Variants in SCNN1A observed in about 807,000 individuals in gnomAD.
SCNN1A encodes sodium channel epithelial 1 subunit alpha.
A neutral mutation model predicts 68.6 loss-of-function variants in SCNN1A; 65 were observed. The observed-to-expected ratio is 0.95, with a 90% CI of 0.78 to 1.16. SCNN1A has a LOEUF of 1.16. Ranked by LOEUF, SCNN1A falls within the 50% of genes most tolerant of loss-of-function variation. The pLI, the probability that SCNN1A is intolerant of heterozygous loss-of-function variation, is 0.00. For missense variants in SCNN1A, 880 were observed against 865.9 expected (o/e 1.02, Z -0.20); for synonymous variants, 357 against 353.3 (o/e 1.01, Z -0.12).
At chr12:6,354,065 C>T (rs1455743276) in intron 8 of SCNN1A, among the ~76,000 whole-genome samples, 1 of 151,162 alleles carries the variant, frequency 6.6e-6, no homozygotes, top group Admixed American at 6.6e-5. Context: ...CCCGTCTCTA[C>T]TAAAAATACC....
Position 6,348,268 on chromosome 12 carries a change from G to C in SCNN1A, c.1630-15C>G. The C allele has an allele frequency of 6.2e-7, 1 of 1,613,818 alleles. No homozygotes were observed. The highest frequency in any genetic ancestry group is 8.5e-7 in the Non-Finnish European group (1 of 1,179,962). ...AGGGTGACCATCTGTGAGAGGAGAG[G>C]TACATTGACGATGGGACAGAGGGTT... On this transcript the variant is annotated splice_polypyrimidine_tract_variant and intron_variant, in intron 12 of 12. Transcript: ENST00000228916.
intron 4 of SCNN1A, among the ~76,000 whole-genome samples, chr12:6,361,249 G>A (rs1948575351): frequency 6.6e-6 from 1 of 152,196 alleles, no homozygotes; most frequent in African/African-American, 2.4e-5. Flanking sequence ...AATAGGCTCT[G>A]AAGGATGATG....
At chr12:6,370,459 C>A (rs945310436) in intron 2 of SCNN1A, among the ~76,000 whole-genome samples, 1 of 152,164 alleles carries the variant, frequency 6.6e-6, no homozygotes, top group Non-Finnish European at 1.5e-5. Flanking sequence ...ACACTCTGCT[C>A]TCTCCTCCTC....
chr12:6,362,003 G>A, intron 4 of SCNN1A, 48 bp downstream of exon 4: 5 of 1,598,886 alleles, frequency 3.1e-6, no homozygotes, highest in Non-Finnish European at 4.3e-6. Context: ...GGCTGACCCA[G>A]GGAAGCGGAC....
intron 8 of SCNN1A, 124 bp downstream of exon 8, chr12:6,354,314 G>A (rs1476685788): frequency 4.1e-6 from 3 of 738,822 alleles, no homozygotes; most frequent in African/African-American, 3.4e-5. Flanking sequence ...ACAAGAGCAA[G>A]GAAGGATTCA....
Position 6,372,093 on chromosome 12 carries a change from C to T in SCNN1A, c.416+2275G>A, listed in dbSNP as rs962987253. Among the ~76,000 whole-genome samples the T allele has an allele frequency of 6.6e-6, 1 of 152,232 alleles. No individual in the cohort carries two copies. The highest frequency in any genetic ancestry group is 1.5e-5 in the Non-Finnish European group (1 of 68,040). On this transcript the variant is annotated intron_variant, in intron 2 of 12. Transcript: ENST00000228916. The surrounding 1 kb of genome is among the most constrained non-coding windows in gnomAD (Gnocchi z 5.8). ...CCATCCCAGATCCCTCAATGCCTGC[C>T]TTGGCCTCCCAAAGTGCTGGGATTA...
chr12:6,363,402 G>A (rs1322298077), intron 3 of SCNN1A, 41 bp downstream of exon 3: 2 of 1,472,574 alleles, frequency 1.4e-6, no homozygotes, highest in East Asian at 2.6e-5. Context: ...GCCAGGGGCC[G>A]GCGAGGGGCG....
rs1365768681 is a variant in SCNN1A, at chr12:6,348,958, G to T, written c.1545C>A (p.Asn515Lys). 6.2e-7 allele frequency: 1 copy of T among 1,613,896 alleles called. No individual in the cohort carries two copies. Among genetic ancestry groups the T allele is most frequent in the Non-Finnish European group, 8.5e-7 (1 of 1,180,004 alleles). Residue 515 changes from asparagine to lysine, a missense_variant, in exon 11 of 13, where the codon AAC (asparagine) becomes AAA (lysine). Around this residue, in one of 3 missense-constraint regions of SCNN1A, gnomAD observed 758 missense variants for 721.8 expected, o/e 1.05. Coordinates refer to ENST00000228916, the MANE Select transcript of SCNN1A (RefSeq NM_001038.6). ...MLSRQNNYTV[N>K]NKRNGVAKVN... is the part of the protein sequence containing the mutation. ...ACCAGGGCAGGACTGACCTCTTGTT[G>T]TTGACGGTGTAATTGTTCTGTCGCG... is the stretch of plus-strand genomic sequence containing the variant.
chr12:6,363,334 G>C, intron 3 of SCNN1A, 109 bp downstream of exon 3: 1 of 876,990 alleles, frequency 1.1e-6, no homozygotes. Flanking sequence ...GGCCCCGCGT[G>C]GTGTCACTGG....
In SCNN1A at chr12:6,374,348, G is replaced by A. The variant is rs1948855121; in HGVS notation, c.416+20C>T. On this transcript the variant is annotated intron_variant, in intron 2 of 12. Transcript: ENST00000228916. This position sits in a 1 kb window ranked among gnomAD's most constrained non-coding sequence, Gnocchi z 6.2. ...CTTCCAGGCGCAGGCACCAGGGAAG[G>A]GGCAGAGGGACTAACCGACCTGTAG... 12 of 1,613,110 alleles carry A rather than the reference G, an allele frequency of 7.4e-6. No homozygotes were observed. In the African/African-American group the frequency reaches 8.0e-5, roughly 11 times the overall value.
intron 2 of SCNN1A, among the ~76,000 whole-genome samples, chr12:6,371,512 T>TGC (rs1565486709): frequency 2.3e-5 from 3 of 133,146 alleles, no homozygotes; most frequent in Non-Finnish European, 4.8e-5. Context: ...TGGCTTTCCA[T>TGC]TGGAGCGTGG....
upstream of SCNN1A, chr12:6,377,356 G>C: frequency 8.3e-7 from 1 of 1,212,000 alleles, no homozygotes; most frequent in Non-Finnish European, 1.2e-6. Context: ...AGTTTTCTGA[G>C]GTTAGAAAAC....
rs2136908561 is a variant in SCNN1A at position 6,372,632 on chromosome 12, A to G, written c.416+1736T>C. On this transcript the variant is annotated intron_variant, in intron 2 of 12. Coordinates refer to ENST00000228916, the MANE Select transcript of SCNN1A (RefSeq NM_001038.6). The surrounding 1 kb of genome is among the most constrained non-coding windows in gnomAD (Gnocchi z 5.8). The stretch of plus-strand genomic sequence containing the variant: ...CCCCTGCCCTCCCTTTCCATCTCTC[A>G]CTGACATATTTTCAACCACAAATAT... Among the ~76,000 whole-genome samples, 1 of 152,060 alleles carries G rather than the reference A, an allele frequency of 6.6e-6. No homozygotes were observed. Among genetic ancestry groups the G allele is most frequent in the East Asian group, 1.9e-4 (1 of 5,176 alleles).
intron 12 of SCNN1A, 44 bp from the exon 13 acceptor site, chr12:6,348,297 G>C (rs752423796): frequency 6.2e-7 from 1 of 1,613,052 alleles, no homozygotes; most frequent in Non-Finnish European, 8.5e-7. Context: ...GAGGGTTCTG[G>C]ATGGACTCTG....
At chr12:6,366,154 G>GA (rs1360926450) in intron 2 of SCNN1A, among the ~76,000 whole-genome samples, 3 of 151,900 alleles carry the variant, frequency 2.0e-5, no homozygotes, top group Admixed American at 1.3e-4. Flanking sequence ...ACGCCCAGCC[G>GA]AACAGACCTA....
Position 6,363,610 on chromosome 12 carries a change from C to A in SCNN1A, c.517G>T (p.Gly173Cys). The A allele has an allele frequency of 1.2e-6, 2 of 1,612,768 alleles. No homozygotes were observed. The highest frequency in any genetic ancestry group is 1.7e-6 in the Non-Finnish European group (2 of 1,179,436). ...CGCAGGTCGCGACGGCTGCGGGAGC[C>A]GGCCACGAGAGTGGTGAAGGAGCTG... is the stretch of plus-strand genomic sequence containing the variant. ...KYSSFTTLVA[G>C]SRSRRDLRGT... Residue 173 changes from glycine to cysteine, a missense_variant, in exon 3 of 13, where the codon GGC becomes TGC. Physicochemically the swap from Gly to Cys is radical, Grantham distance 159. Transcript: ENST00000228916.
At chr12:6,366,986 T>A (rs1948690955) in intron 2 of SCNN1A, among the ~76,000 whole-genome samples, 1 of 152,112 alleles carries the variant, frequency 6.6e-6, no homozygotes, top group Admixed American at 6.5e-5. Context: ...CACCTGTAAT[T>A]CCAGAATTTT....
At chr12:6,369,157 C>T (rs982399427) in intron 2 of SCNN1A, among the ~76,000 whole-genome samples, 6 of 152,024 alleles carry the variant, frequency 3.9e-5, no homozygotes, top group Non-Finnish European at 7.4e-5. Flanking sequence ...GCCCCTCCCT[C>T]TCTCTCATCA....
intron 4 of SCNN1A, 24 bp from the exon 5 acceptor site, chr12:6,355,904 G>A: frequency 1.4e-6 from 2 of 1,441,178 alleles, no homozygotes; most frequent in Non-Finnish European, 2.0e-6. Context: ...AGAGAGTAGG[G>A]TCAGAGAGGA....
Sources: allele counts gnomAD v4.1 joint callset (sites outside exome capture counted in the v4.1 genomes callset), GRCh38; gene constraint gnomAD v4.1.1; regional missense constraint gnomAD v4.1.1; non-coding constraint Gnocchi (gnomAD v3.1); transcripts MANE v1.5; gene names NCBI Gene and HGNC (gene_info 2026-07-23, HGNC 2026-07-21).